Variants in ITSN2 observed in about 807,000 individuals in gnomAD.
ITSN2 encodes the protein intersectin-2.
ITSN2 carries 156 observed loss-of-function variants against 243.7 expected under a neutral mutation model. The ratio of observed to expected loss-of-function variants is 0.64; its 90% confidence interval spans 0.56 to 0.73. ITSN2 has a LOEUF of 0.73. ITSN2 is among the 30% of genes least tolerant of loss of function. The pLI is 0.00. For missense variants in ITSN2, 1,801 were observed against 1,996.1 expected, an observed-to-expected ratio of 0.90 and a Z score of 1.86; for synonymous variants, 703 against 699.9, an observed-to-expected ratio of 1.00 and a Z score of -0.07.
At chr2:24,217,818 G>T in intron 31 of ITSN2, 89 bp downstream of exon 31, 1 of 749,884 alleles carries the variant, frequency 1.3e-6, no homozygotes. Context: ...AAGTTCCTTT[G>T]CTAAGAAGCC....
At position 24,275,828 on chromosome 2, in the gene ITSN2, T is replaced by G. The variant is rs201871479; in HGVS notation, c.1966A>C (p.Thr656Pro). The change falls in exon 18 of 40, where the codon ACA becomes CCA. Residue 656 changes from threonine to proline, a missense_variant. Transcript: ENST00000355123. ...AGCTGTTCAAGGGCTAACTGCTGTGTGTTGTAGGTTTCTCTCAGTTCCTAA... is the reference window on the plus strand; with the variant it reads ...AGCTGTTCAAGGGCTAACTGCTGTGGGTTGTAGGTTTCTCTCAGTTCCTAA... ...LLKELRETYN[T>P]QQLALEQLYK... The G allele has an allele frequency of 6.2e-7, 1 of 1,607,906 alleles. No homozygotes were observed. The highest frequency in any genetic ancestry group is 2.2e-5 in the East Asian group (1 of 44,660).
intron 1 of ITSN2, among the ~76,000 whole-genome samples, chr2:24,359,407 C>A (rs1174273141): frequency 6.6e-6 from 1 of 152,214 alleles, no homozygotes; most frequent in African/African-American, 2.4e-5. Context: ...CAAGTCATTT[C>A]TATGCTAACC....
At chr2:24,299,607 T>C (rs1000587316) in intron 12 of ITSN2, among the ~76,000 whole-genome samples, 2 of 152,200 alleles carry the variant, frequency 1.3e-5, no homozygotes, top group Non-Finnish European at 2.9e-5. Context: ...ACTTGCTCAG[T>C]TGCCTAACTA....
intron 20 of ITSN2, among the ~76,000 whole-genome samples, chr2:24,264,913 A>G (rs891457850): frequency 6.7e-6 from 1 of 149,282 alleles, no homozygotes; most frequent in Non-Finnish European, 1.5e-5. Flanking sequence ...GTCATTTGCT[A>G]CAAAAACAAA....
chr2:24,277,938 C>T (rs1317719153), intron 17 of ITSN2, among the ~76,000 whole-genome samples: 6 of 152,108 alleles, frequency 3.9e-5, no homozygotes, highest in Non-Finnish European at 1.5e-5. Context: ...CCGCATGTGG[C>T]CTGTGGACCA....
rs534887384 is a variant in ITSN2 at position 24,211,259 on chromosome 2, G to A, written c.4090-312C>T. 6.2e-4 allele frequency among the ~76,000 whole-genome samples: 94 copies of A among 152,266 alleles called. No individual in the cohort carries two copies. The highest frequency in any genetic ancestry group is 2.3e-3 in the Admixed American group (35 of 15,294). On this transcript the variant is annotated intron_variant, in intron 33 of 39. Transcript: ENST00000355123. The surrounding 1 kb of genome is among the most constrained non-coding windows in gnomAD (Gnocchi z 4.1). ...AGGCGGGAGCCTCCCGACTCCTTCC[G>A]AAATTTAAGCCATGTAAGGGTGCGC... is the stretch of plus-strand genomic sequence containing the variant.
chr2:24,233,498 T>C (rs972142828), intron 29 of ITSN2, among the ~76,000 whole-genome samples: 2 of 152,206 alleles, frequency 1.3e-5, no homozygotes, highest in African/African-American at 2.4e-5. Flanking sequence ...GCTTTTGTGG[T>C]TGGGAGTTAA....
intron 29 of ITSN2, among the ~76,000 whole-genome samples, chr2:24,231,663 A>C (rs1190726943): frequency 6.6e-6 from 1 of 152,214 alleles, no homozygotes; most frequent in Admixed American, 6.5e-5. Context: ...AAGAATAAGA[A>C]GCAAACAAGA....
rs1383865430 is a variant in ITSN2 at position 24,203,626 on chromosome 2, C to T, written c.5094G>A (p.Ter1698=). The part of the protein sequence containing the change: ...LQLFEQKTLL[*] The stretch of plus-strand genomic sequence containing the variant: ...CCGCTGGTGCTGTCCTTTAGAACCC[C>T]TACAGGAGAGTTTTTTGCTCAAAAA... Residue 1698 remains the stop codon, a stop_retained_variant, in exon 40 of 40, where the codon TAG becomes TAA. Coordinates refer to ENST00000355123, the MANE Select transcript of ITSN2 (RefSeq NM_006277.3). 1.2e-6 allele frequency: 2 copies of T among 1,613,548 alleles called. No individual in the cohort carries two copies. The highest frequency in any genetic ancestry group is 1.7e-6 in the Non-Finnish European group (2 of 1,179,816).
intron 1 of ITSN2, among the ~76,000 whole-genome samples, chr2:24,346,506 G>A (rs1202042920): frequency 6.6e-6 from 1 of 152,108 alleles, no homozygotes; most frequent in Non-Finnish European, 1.5e-5. Context: ...GTAATGTGGT[G>A]ACCTGGAACA....
chr2:24,247,580 C>T (rs1473141691), intron 27 of ITSN2, among the ~76,000 whole-genome samples: 1 of 152,058 alleles, frequency 6.6e-6, no homozygotes, highest in Non-Finnish European at 1.5e-5. Flanking sequence ...TCAGCATTAG[C>T]CTTTCAAGTA....
chr2:24,275,598 A>C (rs1677910648), intron 18 of ITSN2, 115 bp downstream of exon 18: 1 of 728,874 alleles, frequency 1.4e-6, no homozygotes. Flanking sequence ...TGAGATCCAG[A>C]ATCTGATTAG....
intron 29 of ITSN2, among the ~76,000 whole-genome samples, chr2:24,231,138 C>A (rs921796060): frequency 2.6e-5 from 4 of 152,156 alleles, no homozygotes; most frequent in Non-Finnish European, 5.9e-5. Context: ...AAAATAAAAT[C>A]CCTCTGGATC....
At position 24,330,048 on chromosome 2, in the gene ITSN2, T is replaced by G. The variant is rs184697332; in HGVS notation, c.-33-1933A>C. On this transcript the variant is annotated intron_variant, in intron 1 of 39. Coordinates refer to ENST00000355123, the MANE Select transcript of ITSN2 (RefSeq NM_006277.3). ...CAAGGGCCCTTATTCATTAGTTTTC[T>G]GTGGCTGAGACCATTTTAAAACATG... Among the ~76,000 whole-genome samples, 630 of 152,358 alleles carry G rather than the reference T, an allele frequency of 4.1e-3. 2 individuals are homozygous for G. The highest frequency in any genetic ancestry group is 5.7e-3 in the Non-Finnish European group (388 of 68,032).
intron 15 of ITSN2, among the ~76,000 whole-genome samples, chr2:24,292,287 T>C (rs529615800): frequency 6.6e-6 from 1 of 152,212 alleles, no homozygotes. Context: ...ATAAGACATA[T>C]TCTACATTTT....
intron 15 of ITSN2, among the ~76,000 whole-genome samples, chr2:24,290,323 A>G (rs1680083818): frequency 6.6e-6 from 1 of 152,134 alleles, no homozygotes; most frequent in Non-Finnish European, 1.5e-5. Context: ...AGAAACATCT[A>G]TTTATGTTTC....
chr2:24,303,694 C>T, intron 9 of ITSN2, 105 bp downstream of exon 9: 1 of 801,672 alleles, frequency 1.2e-6, no homozygotes, highest in Non-Finnish European at 2.1e-6. Flanking sequence ...ATCTCTGAGT[C>T]ACAAACTTTT....
intron 1 of ITSN2, among the ~76,000 whole-genome samples, chr2:24,338,965 A>G (rs1181886527): frequency 6.6e-6 from 1 of 152,226 alleles, no homozygotes; most frequent in African/African-American, 2.4e-5. Context: ...ATTATCTAAC[A>G]TGAGGTCGGT....
chr2:24,260,443 C>T lies in ITSN2; in HGVS notation c.2682+663G>A, dbSNP rs570785702. Among the ~76,000 whole-genome samples the T allele has an allele frequency of 2.7e-5, 4 of 149,366 alleles. No individual in the cohort carries two copies. In the South Asian group the frequency reaches 8.4e-4, roughly 32 times the overall value. On this transcript the variant is annotated intron_variant, in intron 22 of 39. Transcript: ENST00000355123. ...CTAAATATACGTTAAAAAGTTCTAA[C>T]GTTCCCAAATAACTTTAAGAAAAAA...
Sources: allele counts gnomAD v4.1 joint callset (sites outside exome capture counted in the v4.1 genomes callset), GRCh38; gene constraint gnomAD v4.1.1; non-coding constraint Gnocchi (gnomAD v3.1); transcripts MANE v1.5; gene names NCBI Gene and HGNC (gene_info 2026-07-23, HGNC 2026-07-21).